Variants in CDH13 observed in about 807,000 individuals in gnomAD.
CDH13 encodes cadherin 13.
A neutral mutation model predicts 63.8 loss-of-function variants in CDH13; 24 were observed. The observed-to-expected ratio is 0.38, with a 90% CI of 0.27 to 0.53. The LOEUF is 0.53. Ranked by LOEUF, CDH13 falls within the 20% of genes least tolerant of loss-of-function variation. CDH13 has a pLI of 0.85. For missense variants in CDH13, 1,049 were observed against 903.1 expected (o/e 1.16, Z -2.07); for synonymous variants, 503 against 355.3 (o/e 1.42, Z -4.67).
chr16:83,245,013 C>T (rs1172496212), intron 5 of CDH13, among the ~76,000 whole-genome samples: 1 of 151,826 alleles, frequency 6.6e-6, no homozygotes, highest in Non-Finnish European at 1.5e-5. Context: ...GAACCTTCCC[C>T]AAATCATCAT....
chr16:82,640,145 C>T (rs1003514789), intron 1 of CDH13, among the ~76,000 whole-genome samples: 3 of 152,134 alleles, frequency 2.0e-5, no homozygotes, highest in East Asian at 1.9e-4. Context: ...TATAGAAAAA[C>T]GTTCAAATGG....
chr16:82,853,489 T>C (rs1026205885), intron 1 of CDH13, among the ~76,000 whole-genome samples: 24 of 152,318 alleles, frequency 1.6e-4, no homozygotes, highest in Non-Finnish European at 3.1e-4. Flanking sequence ...ATTAACTCAC[T>C]TAATCCTCAT....
intron 7 of CDH13, among the ~76,000 whole-genome samples, chr16:83,593,138 A>G (rs1372250590): frequency 6.6e-6 from 1 of 152,194 alleles, no homozygotes; most frequent in Non-Finnish European, 1.5e-5. Flanking sequence ...CCGGGGAAGA[A>G]TGTGGTCCCT....
At chr16:82,763,403 G>A (rs913798460) in intron 1 of CDH13, among the ~76,000 whole-genome samples, 1 of 152,068 alleles carries the variant, frequency 6.6e-6, no homozygotes, top group Non-Finnish European at 1.5e-5. Flanking sequence ...CTCTCTGCTT[G>A]TCTTGGTCTC....
intron 2 of CDH13, among the ~76,000 whole-genome samples, chr16:82,908,528 C>T (rs2041721903): frequency 6.6e-6 from 1 of 152,200 alleles, no homozygotes; most frequent in Admixed American, 6.5e-5. Context: ...CCTTATTTAA[C>T]AATTCAGAGT....
intron 6 of CDH13, among the ~76,000 whole-genome samples, chr16:83,353,006 C>T (rs1270440039): frequency 6.6e-6 from 1 of 152,182 alleles, no homozygotes; most frequent in Non-Finnish European, 1.5e-5. Flanking sequence ...ACTTATAAGT[C>T]AGAGCTAAAT....
At chr16:83,002,803 T>G (rs1490295436) in intron 2 of CDH13, among the ~76,000 whole-genome samples, 2 of 152,032 alleles carry the variant, frequency 1.3e-5, no homozygotes, top group East Asian at 3.9e-4. Flanking sequence ...CAGAAGGGAA[T>G]GAAACTGCAA....
intron 12 of CDH13, among the ~76,000 whole-genome samples, chr16:83,782,353 G>C (rs1476926804): frequency 6.6e-6 from 1 of 152,142 alleles, no homozygotes; most frequent in Admixed American, 6.5e-5. Context: ...CATGACATCA[G>C]GGAAGTGGAG....
At chr16:82,919,304 G>C (rs1404675600) in intron 2 of CDH13, among the ~76,000 whole-genome samples, 1 of 152,136 alleles carries the variant, frequency 6.6e-6, no homozygotes, top group Non-Finnish European at 1.5e-5. Context: ...TATGTGATCA[G>C]CCTCGTACTA....
At chr16:83,783,601 A>G in intron 13 of CDH13, 129 bp downstream of exon 13, 1 of 770,710 alleles carries the variant, frequency 1.3e-6, no homozygotes, top group South Asian at 1.4e-5. Context: ...TCTTTAGTGT[A>G]TGTCTGTATG....
At chr16:83,181,035 A>T in intron 4 of CDH13, 3 of 1,500,054 alleles carry the variant, frequency 2.0e-6, no homozygotes, top group Non-Finnish European at 2.7e-6. Context: ...AGCACTCGGT[A>T]TTTCAAATCC....
intron 4 of CDH13, among the ~76,000 whole-genome samples, chr16:83,152,501 T>C (rs1376814065): frequency 1.3e-5 from 2 of 152,300 alleles, no homozygotes; most frequent in East Asian, 3.9e-4. Flanking sequence ...TACTTAAAGG[T>C]GATTCCTTTA....
chr16:83,519,987 A>C (rs2074791723), intron 7 of CDH13, among the ~76,000 whole-genome samples: 1 of 152,188 alleles, frequency 6.6e-6, no homozygotes, highest in Non-Finnish European at 1.5e-5. Flanking sequence ...TAGCAAATAA[A>C]GATCTCATAT....
At chr16:83,205,433 G>A (rs1023364370) in intron 4 of CDH13, among the ~76,000 whole-genome samples, 6 of 152,090 alleles carry the variant, frequency 3.9e-5, no homozygotes, top group African/African-American at 1.4e-4. Context: ...GCATCTTTCA[G>A]CGCATCTCCC....
At chr16:83,242,681 C>A (rs961473227) in intron 5 of CDH13, among the ~76,000 whole-genome samples, 1 of 152,134 alleles carries the variant, frequency 6.6e-6, no homozygotes, top group African/African-American at 2.4e-5. Flanking sequence ...GGGACAATGG[C>A]AATACTTGGG....
At chr16:82,735,262 G>T (rs533643752) in intron 1 of CDH13, among the ~76,000 whole-genome samples, 1 of 152,182 alleles carries the variant, frequency 6.6e-6, no homozygotes, top group Non-Finnish European at 1.5e-5. Flanking sequence ...ATTTTCCAGG[G>T]TGTACAGAAG....
intron 1 of CDH13, among the ~76,000 whole-genome samples, chr16:82,744,294 A>T (rs1252706931): frequency 6.6e-6 from 1 of 152,194 alleles, no homozygotes; most frequent in East Asian, 1.9e-4. Flanking sequence ...GAAAAATGGT[A>T]TCTGCCTGGG....
intron 7 of CDH13, among the ~76,000 whole-genome samples, chr16:83,559,326 C>A (rs923538125): frequency 6.6e-6 from 1 of 152,124 alleles, no homozygotes; most frequent in East Asian, 1.9e-4. Flanking sequence ...AATCCCAACA[C>A]TTTGGGAGGC....
intron 3 of CDH13, among the ~76,000 whole-genome samples, chr16:83,084,131 C>T (rs929146836): frequency 6.6e-6 from 1 of 152,168 alleles, no homozygotes; most frequent in African/African-American, 2.4e-5. Context: ...ATAGGTAGCG[C>T]TCTTCACACC....
Sources: allele counts gnomAD v4.1 joint callset (sites outside exome capture counted in the v4.1 genomes callset), GRCh38; gene constraint gnomAD v4.1.1; transcripts MANE v1.5; gene names NCBI Gene and HGNC (gene_info 2026-07-23, HGNC 2026-07-21).